Variants in SCYL1 observed in about 807,000 individuals in gnomAD.
The protein encoded by SCYL1 is SCY1 like pseudokinase 1.
Under a neutral mutation model 94.8 loss-of-function variants are expected in SCYL1, and 85 were observed. The observed-to-expected ratio is 0.90, with a 90% CI of 0.75 to 1.07. SCYL1 has a LOEUF of 1.07. SCYL1 is among the 50% of genes least tolerant of loss of function. The pLI, the probability that SCYL1 is intolerant of heterozygous loss-of-function variation, is 0.00. For synonymous variants in SCYL1, 459 were observed against 435.5 expected, an observed-to-expected ratio of 1.05 and a Z score of -0.67; for missense variants, 968 against 1,083.3, an observed-to-expected ratio of 0.89 and a Z score of 1.49.
Position 65,526,867 on chromosome 11 carries a change from T to C in SCYL1, c.687T>C (p.Pro229=). The C allele has an allele frequency of 2.5e-6, 4 of 1,613,396 alleles. No homozygotes were observed. Among genetic ancestry groups the C allele is most frequent in the Non-Finnish European group, 3.4e-6 (4 of 1,179,914 alleles). Residue 229 remains proline, a synonymous_variant, in exon 5 of 18, where the codon CCT becomes CCC. Transcript: ENST00000270176. The surrounding 1 kb of genome is among the most constrained non-coding windows in gnomAD (Gnocchi z 4.1). ...CTCGGGCAGCAGCCCTACGCAACCC[T>C]GGGAAGGTAAGTTTCTTGCCCCTGG... ...PLPRAAALRN[P]GKIPKTLVPH...
intron 8 of SCYL1, among the ~76,000 whole-genome samples, 153 bp downstream of exon 8, chr11:65,531,836 G>A (rs905278078): frequency 6.6e-6 from 1 of 152,210 alleles, no homozygotes; most frequent in Non-Finnish European, 1.5e-5. Context: ...CTCTCAGAAA[G>A]TTGGCCACAT....
chr11:65,528,840 G>A (rs1855222470), intron 6 of SCYL1, among the ~76,000 whole-genome samples: 1 of 152,198 alleles, frequency 6.6e-6, no homozygotes, highest in African/African-American at 2.4e-5. Context: ...TCTGAAGTGT[G>A]ACATTGGAGC....
At position 65,537,982 on chromosome 11, in the gene SCYL1, C is replaced by G; in HGVS notation, c.2047C>G (p.His683Asp). 1 of 1,611,736 alleles carries G rather than the reference C, an allele frequency of 6.2e-7. No homozygotes were observed. Among genetic ancestry groups the G allele is most frequent in the Non-Finnish European group, 8.5e-7 (1 of 1,178,698 alleles). ...SRASQVSNSD[H>D]KSSKSPESDW... ...TCTTCTACAGGTCAGCAACTCCGAC[C>G]ACAAATCCTCCAAATCCCCAGAGTC... The change falls in exon 16 of 18, where the codon CAC becomes GAC. Residue 683 changes from histidine (H) to aspartate (D), a missense_variant. Coordinates refer to ENST00000270176, the MANE Select transcript of SCYL1 (RefSeq NM_020680.4).
At chr11:65,530,871 T>A in intron 7 of SCYL1, 84 bp downstream of exon 7, 2 of 1,475,724 alleles carry the variant, frequency 1.4e-6, no homozygotes, top group Non-Finnish European at 1.8e-6. Flanking sequence ...GCAGGCTGTT[T>A]AGGGCAGACC....
chr11:65,529,070 C>T (rs548200087), intron 6 of SCYL1, among the ~76,000 whole-genome samples: 24 of 152,296 alleles, frequency 1.6e-4, no homozygotes, highest in African/African-American at 5.3e-4. Context: ...ATGCAATGCC[C>T]GGCCCCAGCC....
chr11:65,536,234 C>CCA (rs1179993272), intron 11 of SCYL1, 25 bp from the exon 12 acceptor site: 1 of 1,611,438 alleles, frequency 6.2e-7, no homozygotes, highest in Admixed American at 1.7e-5. Context: ...CCCAGAGACC[C>CCA]CAGCTCTGCC....
rs1202832444 is a variant in SCYL1 at position 65,538,115 on chromosome 11, G to C, written c.2180G>C (p.Trp727Ser). 1 of 1,603,808 alleles carries C rather than the reference G, an allele frequency of 6.2e-7. No individual in the cohort carries two copies. The highest frequency in any genetic ancestry group is 8.5e-7 in the Non-Finnish European group (1 of 1,175,882). Residue 727 changes from tryptophan to serine, a missense_variant, in exon 16 of 18, where the codon TGG (tryptophan) becomes TCG (serine). Trp to Ser is a radical substitution (Grantham distance 177). Around this residue, in one of 2 missense-constraint regions of SCYL1, gnomAD observed 474 missense variants for 463.6 expected, o/e 1.02. Transcript: ENST00000270176. ...ACACGGCTGGCCAGCGAGTATAACT[G>C]GGGTGGCCCAGAGTCCAGCGACAAG... ...DGTRLASEYN[W>S]GGPESSDKGD...
intron 6 of SCYL1, among the ~76,000 whole-genome samples, chr11:65,527,766 A>G (rs956131305): frequency 2.6e-5 from 4 of 151,580 alleles, no homozygotes; most frequent in East Asian, 1.9e-4. Flanking sequence ...TTGAATTGGT[A>G]TAATGCACAT....
chr11:65,531,289 GA>G (rs1161093792), intron 7 of SCYL1, among the ~76,000 whole-genome samples: 2 of 152,130 alleles, frequency 1.3e-5, no homozygotes, highest in Non-Finnish European at 1.5e-5. Flanking sequence ...GTATAGCTGA[GA>G]ACCCCCAGAA....
Position 65,530,686 on chromosome 11 carries a change from G to C in SCYL1, c.907G>C (p.Ala303Pro). 1 of 1,614,068 alleles carries C rather than the reference G, an allele frequency of 6.2e-7. No homozygotes were observed. Among genetic ancestry groups the C allele is most frequent in the Non-Finnish European group, 8.5e-7 (1 of 1,180,018 alleles). Reference protein sequence around the residue: ...FFQELSKSLDAFPEDFCRHKV... With the variant: ...FFQELSKSLDPFPEDFCRHKV... Reference sequence around the variant, plus strand: ...CCAGGAGCTGAGCAAGAGCCTGGACGCATTCCCTGAGGATTTCTGTCGGCA... The same window carrying C: ...CCAGGAGCTGAGCAAGAGCCTGGACCCATTCCCTGAGGATTTCTGTCGGCA... Residue 303 changes from alanine (A) to proline (P), a missense_variant, in exon 7 of 18, where the codon GCA (alanine) becomes CCA (proline). Ala to Pro is a conservative substitution (Grantham distance 27, BLOSUM62 -1). Transcript: ENST00000270176.
In SCYL1 at chr11:65,536,573, T is replaced by A; in HGVS notation, c.1652-13T>A. On this transcript the variant is annotated splice_polypyrimidine_tract_variant and intron_variant, in intron 12 of 17. Transcript: ENST00000270176. Reference sequence around the variant, plus strand: ...CGTGCCCATACCCACCTCTCTCTCATGCCACTGCCCAGAGAAGGATGTCCA... The same window carrying A: ...CGTGCCCATACCCACCTCTCTCTCAAGCCACTGCCCAGAGAAGGATGTCCA... 6.2e-7 allele frequency: 1 copy of A among 1,613,750 alleles called. No individual in the cohort carries two copies. Among genetic ancestry groups the A allele is most frequent in the Non-Finnish European group, 8.5e-7 (1 of 1,179,862 alleles).
chr11:65,534,352 C>T (rs1221412850), intron 9 of SCYL1, among the ~76,000 whole-genome samples: 1 of 152,174 alleles, frequency 6.6e-6, no homozygotes, highest in African/African-American at 2.4e-5. Context: ...GCAGAGGTTG[C>T]AGTGAGTAGA....
In SCYL1 at chr11:65,525,638, A is replaced by G. The variant is rs11548539; in HGVS notation, c.176A>G (p.Gln59Arg). ...AAGCCTGGCGCGGAAGAGCAGACCC[A>G]GGTGGCCAAAGCTGCCTTCAAGCGC... ...DVKPGAEEQT[Q>R]VAKAAFKRFK... Residue 59 changes from glutamine to arginine, a missense_variant, in exon 2 of 18, where the codon CAG (glutamine) becomes CGG (arginine). Gln to Arg is a conservative substitution (Grantham distance 43). Coordinates refer to ENST00000270176, the MANE Select transcript of SCYL1 (RefSeq NM_020680.4). The G allele has an allele frequency of 1.9e-6, 3 of 1,612,708 alleles. No individual in the cohort carries two copies. Among genetic ancestry groups the G allele is most frequent in the African/African-American group, 2.7e-5 (2 of 74,902 alleles).
chr11:65,528,257 A>G (rs758397158), intron 6 of SCYL1, among the ~76,000 whole-genome samples: 2 of 151,812 alleles, frequency 1.3e-5, no homozygotes, highest in Non-Finnish European at 2.9e-5. Context: ...AGCTGACGAC[A>G]TGGAGAAACC....
intron 6 of SCYL1, among the ~76,000 whole-genome samples, chr11:65,529,170 G>A (rs1373624143): frequency 1.3e-5 from 2 of 152,298 alleles, no homozygotes; most frequent in African/African-American, 4.8e-5. Flanking sequence ...ACCCAGCAGA[G>A]GTCATGGAAT....
rs1303488089 is a variant in SCYL1 at position 65,525,568 on chromosome 11, C to T, written c.112-6C>T. 6.2e-7 allele frequency: 1 copy of T among 1,611,316 alleles called. No individual in the cohort carries two copies. The highest frequency in any genetic ancestry group is 2.2e-5 in the East Asian group (1 of 44,890). On this transcript the variant is annotated splice_region_variant and splice_polypyrimidine_tract_variant and intron_variant, in intron 1 of 17. Transcript: ENST00000270176. Reference sequence around the variant, plus strand: ...GACCATCTCAGGCCCCGCTGCCCTCCCCTAGGCCACAGGCAGCCCCGTGTC... The same window carrying T: ...GACCATCTCAGGCCCCGCTGCCCTCTCCTAGGCCACAGGCAGCCCCGTGTC...
At chr11:65,535,919 A>C in intron 10 of SCYL1, 34 bp from the exon 11 acceptor site, 1 of 1,536,188 alleles carries the variant, frequency 6.5e-7, no homozygotes, top group East Asian at 2.3e-5. Context: ...CATTGACCCT[A>C]CACTCAGGAG....
chr11:65,535,850 C>T, intron 10 of SCYL1, 103 bp from the exon 11 acceptor site: 1 of 1,131,754 alleles, frequency 8.8e-7, no homozygotes, highest in Non-Finnish European at 1.3e-6. Context: ...TTTTCAGATT[C>T]TGGGGACCTA....
chr11:65,525,687 C>T lies in SCYL1; in HGVS notation c.225C>T (p.Asn75=). The T allele has an allele frequency of 6.2e-7, 1 of 1,612,866 alleles. No individual in the cohort carries two copies. Among genetic ancestry groups the T allele is most frequent in the Non-Finnish European group, 8.5e-7 (1 of 1,179,948 alleles). Residue 75 remains asparagine (N), a synonymous_variant, in exon 2 of 18, where the codon AAC becomes AAT. Coordinates refer to ENST00000270176, the MANE Select transcript of SCYL1 (RefSeq NM_020680.4). ...GCTTCAAAACTCTACGGCACCCCAA[C>T]ATCCTGGCTTACATCGATGGACTGG... ...FKRFKTLRHP[N]ILAYIDGLET... is the part of the protein sequence containing the mutation.
Sources: allele counts gnomAD v4.1 joint callset (sites outside exome capture counted in the v4.1 genomes callset), GRCh38; gene constraint gnomAD v4.1.1; regional missense constraint gnomAD v4.1.1; non-coding constraint Gnocchi (gnomAD v3.1); transcripts MANE v1.5; gene names NCBI Gene and HGNC (gene_info 2026-07-23, HGNC 2026-07-21).